DEDD2: variants seen among roughly 807,000 people sequenced by gnomAD.
The protein encoded by DEDD2 is death effector domain containing 2.
A neutral mutation model predicts 28.9 loss-of-function variants in DEDD2; 18 were observed. That is an observed-to-expected ratio of 0.62 (90% confidence interval 0.43 to 0.92). DEDD2 has a LOEUF of 0.92. Among genes scored for constraint, DEDD2 ranks in the 40% least tolerant of loss-of-function variants. DEDD2 has a pLI of 0.00. For synonymous variants in DEDD2, 211 were observed against 206.1 expected (o/e 1.02, Z -0.20); for missense variants, 411 against 463.3 (o/e 0.89, Z 1.04).
At chr19:42,207,697 G>A (rs2035587997) in intron 4 of DEDD2, among the ~76,000 whole-genome samples, 1 of 152,128 alleles carries the variant, frequency 6.6e-6, no homozygotes, top group South Asian at 2.1e-4. Flanking sequence ...CTCCGTGCCT[G>A]GAACAGTGCT....
chr19:42,217,845 G>A (rs1053744871), upstream of DEDD2: 13 of 152,288 alleles, frequency 8.5e-5, no homozygotes, highest in African/African-American at 3.1e-4. Context: ...CCCAACCGAA[G>A]CATCTTGGTT....
chr19:42,207,239 G>A (rs2035571726), intron 4 of DEDD2, among the ~76,000 whole-genome samples: 1 of 152,166 alleles, frequency 6.6e-6, no homozygotes. Flanking sequence ...CCCAGCACAG[G>A]TTATCTGCTG....
At position 42,216,837 on chromosome 19, in the gene DEDD2, T is replaced by G; in HGVS notation, c.171A>C (p.Gly57=). Residue 57 remains glycine (G), a synonymous_variant, in exon 2 of 5, where the codon GGA becomes GGC. Coordinates refer to ENST00000596251, the MANE Select transcript of DEDD2 (RefSeq NM_133328.4). Reference sequence around the variant, plus strand: ...GGCCGCTGCGGGCCCGGGCTAAGCCTCCGGCGGCGCCAGGAGCCTCATCCA... The same window carrying G: ...GGCCGCTGCGGGCCCGGGCTAAGCCGCCGGCGGCGCCAGGAGCCTCATCCA... The part of the protein sequence containing the change: ...FLLDEAPGAA[G]GLARARSGLE... 6.3e-7 allele frequency: 1 copy of G among 1,587,320 alleles called. No homozygotes were observed. Among genetic ancestry groups the G allele is most frequent in the Non-Finnish European group, 8.6e-7 (1 of 1,167,380 alleles).
At position 42,199,503 on chromosome 19, in the gene DEDD2, C is replaced by A; in HGVS notation, c.916G>T (p.Ala306Ser). The A allele has an allele frequency of 1.9e-6, 3 of 1,613,698 alleles. No individual in the cohort carries two copies. The highest frequency in any genetic ancestry group is 2.5e-6 in the Non-Finnish European group (3 of 1,179,890). Residue 306 changes from alanine (A) to serine (S), a missense_variant, in exon 5 of 5, where the codon GCT (alanine) becomes TCT (serine). Ala to Ser is a moderately conservative substitution (Grantham distance 99). Transcript: ENST00000596251. The surrounding 1 kb of genome is among the most constrained non-coding windows in gnomAD (Gnocchi z 7.4). ...ATCAGCAACAGGCGGCGCCGGCCAGCCTCATAGTCAGCCTCATCCACACTG... is the reference window on the plus strand; with the variant it reads ...ATCAGCAACAGGCGGCGCCGGCCAGACTCATAGTCAGCCTCATCCACACTG... ...LVSVDEADYE[A>S]GRRRLLLMEE...
In DEDD2 at chr19:42,198,624, G is replaced by A. The variant is rs1349951277; in HGVS notation, c.*814C>T. 4 of 152,262 alleles carry A rather than the reference G, an allele frequency of 2.6e-5. No homozygotes were observed. The highest frequency in any genetic ancestry group is 2.0e-4 in the Admixed American group (3 of 15,282). The allele number at this position is 152,262 out of a possible 1,614,324, so 9.4% of individuals were successfully genotyped here. On this transcript the variant is annotated 3_prime_UTR_variant, in exon 5 of 5. Transcript: ENST00000596251. Reference sequence around the variant, plus strand: ...GCCCACCTATGCCCTTTCCAGGGCAGTTTAATTGGTATCATTTGTAAAAGG... The same window carrying A: ...GCCCACCTATGCCCTTTCCAGGGCAATTTAATTGGTATCATTTGTAAAAGG...
upstream of DEDD2, among the ~76,000 whole-genome samples, chr19:42,219,024 G>T (rs543141817): frequency 7.2e-5 from 11 of 152,114 alleles, no homozygotes; most frequent in Non-Finnish European, 1.3e-4. Flanking sequence ...ACAAACAAAC[G>T]CCAGGTGCGG....
At chr19:42,216,250 A>G (rs1260101247) in intron 2 of DEDD2, among the ~76,000 whole-genome samples, 7 of 152,142 alleles carry the variant, frequency 4.6e-5, no homozygotes, top group Admixed American at 4.6e-4. Context: ...TGGAACAAAC[A>G]CCTTGTCAGC....
In DEDD2 at chr19:42,216,743, G is replaced by C. The variant is rs1461567972; in HGVS notation, c.265C>G (p.Leu89Val). The part of the protein sequence containing the change: ...DESNLRLLGQ[L>V]LRVLARHDLL... ...TCGTGGCGGGCCAGCACGCGCAGGAGTTGCCCCAGCAGCCGCAGGTTGCTC... is the reference window on the plus strand; with the variant it reads ...TCGTGGCGGGCCAGCACGCGCAGGACTTGCCCCAGCAGCCGCAGGTTGCTC... Residue 89 changes from leucine to valine, a missense_variant, in exon 2 of 5, where the codon CTC (leucine) becomes GTC (valine). Physicochemically the swap from Leu to Val is conservative, Grantham distance 32 (BLOSUM62 1). This residue lies in a region of DEDD2 where 282 missense variants were observed against 273.4 expected (regional missense o/e 1.03). Coordinates refer to ENST00000596251, the MANE Select transcript of DEDD2 (RefSeq NM_133328.4). 6.3e-7 allele frequency: 1 copy of C among 1,593,922 alleles called. No individual in the cohort carries two copies. The highest frequency in any genetic ancestry group is 8.5e-7 in the Non-Finnish European group (1 of 1,172,256).
At chr19:42,205,314 A>G (rs1367241667) in intron 4 of DEDD2, among the ~76,000 whole-genome samples, 2 of 152,224 alleles carry the variant, frequency 1.3e-5, no homozygotes, top group Admixed American at 6.5e-5. Flanking sequence ...GGAGTTACTA[A>G]TCTTTTTTGG....
intron 2 of DEDD2, among the ~76,000 whole-genome samples, chr19:42,216,158 C>A (rs1255588237): frequency 6.6e-6 from 1 of 152,184 alleles, no homozygotes; most frequent in Non-Finnish European, 1.5e-5. Context: ...TCTCTCTATT[C>A]CATTACTTTT....
intron 4 of DEDD2, among the ~76,000 whole-genome samples, chr19:42,203,988 C>T (rs1019915737): frequency 2.0e-5 from 3 of 152,202 alleles, no homozygotes; most frequent in South Asian, 4.1e-4. Context: ...GGGAAAAGTT[C>T]CCTGTCCCTG....
chr19:42,200,806 C>T (rs1446180989), intron 4 of DEDD2, among the ~76,000 whole-genome samples: 9 of 152,226 alleles, frequency 5.9e-5, no homozygotes, highest in Admixed American at 3.9e-4. Context: ...TCTGTCACAA[C>T]TCTCCCCACA....
At position 42,200,517 on chromosome 19, in the gene DEDD2, C is replaced by A. The variant is rs138037170; in HGVS notation, c.590-688G>T. On this transcript the variant is annotated intron_variant, in intron 4 of 4. Transcript: ENST00000596251. ...CTCCCATCCACCTGAGCCAGCACTG[C>A]GGATGCGCAGGGTCCTGACCAGGCC... 5.3e-5 allele frequency among the ~76,000 whole-genome samples: 8 copies of A among 152,334 alleles called. No homozygotes were observed. The East Asian group carries it at 1.3e-3, about 26-fold the overall frequency.
At chr19:42,202,146 T>C (rs895631509) in intron 4 of DEDD2, 2 of 398,652 alleles carry the variant, frequency 5.0e-6, no homozygotes, top group African/African-American at 2.1e-5. Flanking sequence ...ACTCATAAAA[T>C]GCTTGCTTAC....
chr19:42,211,196 A>G (rs2035746802), intron 3 of DEDD2, among the ~76,000 whole-genome samples: 1 of 151,736 alleles, frequency 6.6e-6, no homozygotes, highest in Non-Finnish European at 1.5e-5. Flanking sequence ...CCCGGGCAAC[A>G]TGGAAAAACC....
intron 4 of DEDD2, among the ~76,000 whole-genome samples, chr19:42,204,958 G>A (rs1277816824): frequency 1.3e-5 from 2 of 152,244 alleles, no homozygotes; most frequent in South Asian, 2.1e-4. Flanking sequence ...CAACTCCAGA[G>A]AGGGATAAGC....
chr19:42,199,392 G>A lies in DEDD2; in HGVS notation c.*46C>T, dbSNP rs1483727887. The A allele has an allele frequency of 6.6e-7, 1 of 1,509,866 alleles. No homozygotes were observed. Among genetic ancestry groups the A allele is most frequent in the Non-Finnish European group, 8.8e-7 (1 of 1,136,236 alleles). 93.5% of individuals were successfully genotyped at this position (1,509,866 alleles called of 1,614,324 possible). A position where few individuals can be genotyped will look rare whatever the true frequency, so the allele number is the denominator to read the frequency against. On this transcript the variant is annotated 3_prime_UTR_variant, in exon 5 of 5. Coordinates refer to ENST00000596251, the MANE Select transcript of DEDD2 (RefSeq NM_133328.4). The surrounding 1 kb of genome is among the most constrained non-coding windows in gnomAD (Gnocchi z 7.4). Reference sequence around the variant, plus strand: ...AGAGATGGTCGTCCTCCCAGGAGAAGGTGGCCCGGAGACTTGGAGGTGGGA... The same window carrying A: ...AGAGATGGTCGTCCTCCCAGGAGAAAGTGGCCCGGAGACTTGGAGGTGGGA...
chr19:42,203,119 T>C (rs963520142), intron 4 of DEDD2, among the ~76,000 whole-genome samples: 9 of 152,300 alleles, frequency 5.9e-5, no homozygotes, highest in African/African-American at 1.9e-4. Flanking sequence ...GGCCACCAGA[T>C]AGGAAATGGC....
rs373717930 is a variant in DEDD2, at chr19:42,216,676, G to C, written c.328+4C>G. 22 of 1,561,916 alleles carry C rather than the reference G, an allele frequency of 1.4e-5. No individual in the cohort carries two copies. The Admixed American group carries it at 3.0e-4, about 21-fold the overall frequency. On this transcript the variant is annotated splice_donor_region_variant and intron_variant, in intron 2 of 4. Coordinates refer to ENST00000596251, the MANE Select transcript of DEDD2 (RefSeq NM_133328.4). ...AAGTGTGACACCCTCCCATTCAACC[G>C]TACCTGGCCGGCGCCGCTTGCGCGC...
Sources: allele counts gnomAD v4.1 joint callset (sites outside exome capture counted in the v4.1 genomes callset), GRCh38; gene constraint gnomAD v4.1.1; regional missense constraint gnomAD v4.1.1; non-coding constraint Gnocchi (gnomAD v3.1); transcripts MANE v1.5; gene names NCBI Gene and HGNC (gene_info 2026-07-23, HGNC 2026-07-21).